Variants in NBAS observed in about 807,000 individuals in gnomAD.
NBAS encodes NAG/BC035112 fusion.
A neutral mutation model predicts 302.5 loss-of-function variants in NBAS; 219 were observed. The ratio of observed to expected loss-of-function variants is 0.72; its 90% confidence interval spans 0.65 to 0.81. The LOEUF (loss-of-function observed/expected upper bound fraction) is 0.81, where lower values mean the gene tolerates loss of function less well. Ranked by LOEUF, NBAS falls within the 30% of genes least tolerant of loss-of-function variation. NBAS has a pLI of 0.00. For missense variants in NBAS, 2,932 were observed against 2,841.6 expected (o/e 1.03, Z -0.72); for synonymous variants, 1,118 against 1,021.6 (o/e 1.09, Z -1.80).
intron 38 of NBAS, among the ~76,000 whole-genome samples, chr2:15,310,191 G>C (rs1036117747): frequency 3.9e-5 from 6 of 152,118 alleles, no homozygotes; most frequent in Non-Finnish European, 5.9e-5. Flanking sequence ...CTAGGCACTG[G>C]GGATGGTGGG....
chr2:14,973,971 C>G, the NBAS span, among the ~76,000 whole-genome samples: 1 of 152,218 alleles, frequency 6.6e-6, no homozygotes, highest in Non-Finnish European at 1.5e-5. Flanking sequence ...CCGTACAAAT[C>G]ATTCTCATTC....
At chr2:15,454,633 G>A (rs185721429) in intron 21 of NBAS, among the ~76,000 whole-genome samples, 39 of 152,262 alleles carry the variant, frequency 2.6e-4, no homozygotes, top group African/African-American at 9.1e-4. Context: ...AAGCCATGCC[G>A]GATTCCGTGT....
chr2:15,534,711 A>C, intron 8 of NBAS, 70 bp from the exon 9 acceptor site: 1 of 1,146,736 alleles, frequency 8.7e-7, no homozygotes, highest in East Asian at 2.3e-5. Flanking sequence ...ATACCCAATA[A>C]AATGTTTAGA....
chr2:14,794,865 C>A, the NBAS span, among the ~76,000 whole-genome samples: 1 of 151,972 alleles, frequency 6.6e-6, no homozygotes, highest in East Asian at 1.9e-4. Flanking sequence ...TAGTATGTAC[C>A]TTTTTATGTC....
intron 31 of NBAS, among the ~76,000 whole-genome samples, chr2:15,370,325 G>A (rs1475118473): frequency 6.6e-6 from 1 of 152,110 alleles, no homozygotes; most frequent in Admixed American, 6.5e-5. Flanking sequence ...ACAGGGTCTC[G>A]CTCTATTGCC....
At chr2:15,558,750 A>T in intron 1 of NBAS, 116 bp from the exon 2 acceptor site, 2 of 819,524 alleles carry the variant, frequency 2.4e-6, no homozygotes, top group Non-Finnish European at 4.1e-6. Flanking sequence ...TTTTGGGCAC[A>T]GGGAAGCAGT....
the NBAS span, among the ~76,000 whole-genome samples, chr2:14,928,238 C>A: frequency 6.6e-6 from 1 of 152,164 alleles, no homozygotes; most frequent in African/African-American, 2.4e-5. Context: ...AATGGCACAA[C>A]CCTCTGCCTT....
intron 21 of NBAS, among the ~76,000 whole-genome samples, chr2:15,438,910 C>T (rs1446710003): frequency 6.6e-6 from 1 of 152,090 alleles, no homozygotes; most frequent in Non-Finnish European, 1.5e-5. Context: ...CACATAGGGC[C>T]AGGAATAGTT....
At chr2:14,944,291 G>A in the NBAS span, among the ~76,000 whole-genome samples, 1 of 151,584 alleles carries the variant, frequency 6.6e-6, no homozygotes, top group African/African-American at 2.4e-5. Flanking sequence ...GCGACAGAGT[G>A]AGACTCCGTC....
chr2:15,023,337 T>A, the NBAS span, among the ~76,000 whole-genome samples: 1 of 152,164 alleles, frequency 6.6e-6, no homozygotes, highest in South Asian at 2.1e-4. Context: ...TTGCTCACTT[T>A]GTTTTTCTTT....
chr2:15,240,453 A>C (rs2147951429), intron 44 of NBAS, among the ~76,000 whole-genome samples: 1 of 150,394 alleles, frequency 6.6e-6, no homozygotes, highest in African/African-American at 2.4e-5. Context: ...ATACAAAAAA[A>C]AAAAAAAAAA....
chr2:15,004,454 A>G, the NBAS span, among the ~76,000 whole-genome samples: 1 of 152,142 alleles, frequency 6.6e-6, no homozygotes, highest in African/African-American at 2.4e-5. Flanking sequence ...ACTTTCCCCC[A>G]AACTGGCATG....
the NBAS span, among the ~76,000 whole-genome samples, chr2:14,781,122 C>G: frequency 6.6e-6 from 1 of 152,124 alleles, no homozygotes; most frequent in Non-Finnish European, 1.5e-5. Context: ...CTGCCATCTC[C>G]CTCTTTACTG....
chr2:15,433,452 G>A (rs1366683872), intron 21 of NBAS, among the ~76,000 whole-genome samples: 1 of 152,136 alleles, frequency 6.6e-6, no homozygotes, highest in Non-Finnish European at 1.5e-5. Flanking sequence ...AGATATATAT[G>A]ACTCTGGTTG....
intron 42 of NBAS, among the ~76,000 whole-genome samples, chr2:15,277,378 G>A (rs1365595406): frequency 1.3e-5 from 2 of 152,140 alleles, no homozygotes; most frequent in Admixed American, 1.3e-4. Flanking sequence ...CCTGCAGTTG[G>A]GAGAGCTGTC....
Position 15,270,767 on chromosome 2 carries a change from C to T in NBAS, c.5724+4717G>A, listed in dbSNP as rs190493741. 4.6e-5 allele frequency among the ~76,000 whole-genome samples: 7 copies of T among 152,232 alleles called. No homozygotes were observed. The East Asian group carries it at 1.4e-3, about 29-fold the overall frequency. ...TCTTTTACTGTATAATTTTTAAAAA[C>T]CTTCATTTCATGTTTCTTATAAACA... On this transcript the variant is annotated intron_variant, in intron 44 of 51. Coordinates refer to ENST00000281513, the MANE Select transcript of NBAS (RefSeq NM_015909.4).
chr2:15,419,567 G>A (rs1338201338), intron 23 of NBAS, among the ~76,000 whole-genome samples: 3 of 152,090 alleles, frequency 2.0e-5, no homozygotes, highest in African/African-American at 4.8e-5. Flanking sequence ...GACTAAAGGC[G>A]CATGCCACCA....
rs537298877 is a variant in NBAS at position 15,476,096 on chromosome 2, A to G, written c.1148-216T>C. ...AATTCCCTTGACAAATTGAGCGCCA[A>G]CAATTTGTCAGTCTAGGTCTAAAAT... On this transcript the variant is annotated intron_variant, in intron 13 of 51. Transcript: ENST00000281513. Among the ~76,000 whole-genome samples the G allele has an allele frequency of 3.3e-5, 5 of 152,320 alleles. No individual in the cohort carries two copies. The East Asian group carries it at 9.7e-4, about 29-fold the overall frequency.
chr2:15,003,877 T>A, the NBAS span, among the ~76,000 whole-genome samples: 1 of 152,218 alleles, frequency 6.6e-6, no homozygotes, highest in Non-Finnish European at 1.5e-5. Flanking sequence ...ATTAGAATGC[T>A]CTCTCGCTGC....
Sources: gnomAD v4.1 joint callset for allele counts (sites outside exome capture counted in the v4.1 genomes callset) on GRCh38, gnomAD v4.1.1 for gene constraint, MANE v1.5 for transcripts, NCBI Gene and HGNC (gene_info 2026-07-23, HGNC 2026-07-21) for gene names.